Variants in SAMD12 observed in about 807,000 individuals in gnomAD.
SAMD12 encodes sterile alpha motif domain-containing protein 12.
Under a neutral mutation model 15.0 loss-of-function variants are expected in SAMD12, and 9 were observed. The ratio of observed to expected loss-of-function variants is 0.60; its 90% CI spans 0.36 to 1.05. The LOEUF (loss-of-function observed/expected upper bound fraction) is 1.05, where lower values mean the gene tolerates loss of function less well. Among genes scored for constraint, SAMD12 ranks in the 50% least tolerant of loss-of-function variants. The pLI, the probability that SAMD12 is intolerant of heterozygous loss-of-function variation, is 0.01. For synonymous variants in SAMD12, 86 were observed against 90.1 expected, an observed-to-expected ratio of 0.96 and a Z score of 0.25; for missense variants, 230 against 234.2, an observed-to-expected ratio of 0.98 and a Z score of 0.12.
intron 4 of SAMD12, among the ~76,000 whole-genome samples, chr8:118,349,056 T>A (rs1817817463): frequency 6.6e-6 from 1 of 152,186 alleles, no homozygotes; most frequent in South Asian, 2.1e-4. Context: ...ACCTGGCAAT[T>A]TTATCCATAT....
At chr8:118,459,773 G>A (rs979364222) in intron 2 of SAMD12, among the ~76,000 whole-genome samples, 2 of 152,186 alleles carry the variant, frequency 1.3e-5, no homozygotes, top group African/African-American at 4.8e-5. Context: ...ATAACTAGAA[G>A]ATTCATTCAC....
At chr8:118,368,442 G>A (rs1818913049) in intron 4 of SAMD12, among the ~76,000 whole-genome samples, 1 of 152,140 alleles carries the variant, frequency 6.6e-6, no homozygotes, top group Non-Finnish European at 1.5e-5. Context: ...TGTCACTCAG[G>A]AGAACATTTA....
chr8:118,262,532 T>C (rs909449623), intron 4 of SAMD12, among the ~76,000 whole-genome samples: 1 of 152,082 alleles, frequency 6.6e-6, no homozygotes, highest in Non-Finnish European at 1.5e-5. Flanking sequence ...ATAAAGCAGA[T>C]GCCCATCTGA....
At chr8:118,163,646 C>T in the SAMD12 span, among the ~76,000 whole-genome samples, 6 of 151,448 alleles carry the variant, frequency 4.0e-5, no homozygotes, top group Non-Finnish European at 7.4e-5. Context: ...GAGGCCGAGG[C>T]GGGCGGATCA....
At chr8:118,285,160 T>C (rs1010326952) in intron 4 of SAMD12, among the ~76,000 whole-genome samples, 6 of 151,930 alleles carry the variant, frequency 3.9e-5, no homozygotes, top group African/African-American at 7.3e-5. Context: ...CTTTTTTTAA[T>C]AGCCAGAAGA....
At chr8:118,568,589 C>T (rs760249367) in intron 2 of SAMD12, among the ~76,000 whole-genome samples, 30 of 152,092 alleles carry the variant, frequency 2.0e-4, no homozygotes, top group African/African-American at 3.1e-4. Flanking sequence ...GTGAGAAAAA[C>T]AAAATTGAGC....
intron 1 of SAMD12, among the ~76,000 whole-genome samples, chr8:118,612,207 C>G (rs1167968899): frequency 1.3e-5 from 2 of 152,190 alleles, no homozygotes; most frequent in Non-Finnish European, 1.5e-5. Context: ...ATCTCTTATA[C>G]TTAGTCTTCC....
intron 4 of SAMD12, among the ~76,000 whole-genome samples, chr8:118,218,186 G>A (rs1458706059): frequency 6.6e-6 from 1 of 152,072 alleles, no homozygotes; most frequent in East Asian, 1.9e-4. Context: ...TCCCGTTGTG[G>A]ATCAGTAATA....
intron 2 of SAMD12, among the ~76,000 whole-genome samples, chr8:118,462,898 C>T (rs1194278534): frequency 1.3e-5 from 2 of 151,814 alleles, no homozygotes; most frequent in Non-Finnish European, 2.9e-5. Context: ...GTCAGGAGAT[C>T]GAGACCATCC....
intron 1 of SAMD12, among the ~76,000 whole-genome samples, chr8:118,616,233 T>C (rs1828236432): frequency 6.6e-6 from 1 of 152,214 alleles, no homozygotes. Flanking sequence ...TGACATCTGC[T>C]CTGTAGAGGA....
the SAMD12 span, among the ~76,000 whole-genome samples, chr8:118,170,237 C>G: frequency 6.6e-6 from 1 of 152,208 alleles, no homozygotes; most frequent in East Asian, 1.9e-4. Flanking sequence ...TAAATGCCAT[C>G]CATACTTAGT....
chr8:118,427,165 A>G (rs1252809413), intron 3 of SAMD12, among the ~76,000 whole-genome samples: 2 of 152,240 alleles, frequency 1.3e-5, no homozygotes, highest in Non-Finnish European at 2.9e-5. Context: ...CTCTATAAGT[A>G]TCTATATCAT....
At chr8:118,296,198 A>C (rs1814701860) in intron 4 of SAMD12, among the ~76,000 whole-genome samples, 1 of 152,214 alleles carries the variant, frequency 6.6e-6, no homozygotes, top group Non-Finnish European at 1.5e-5. Context: ...GGCCAGTGGG[A>C]CCATCACAAA....
Position 118,423,150 on chromosome 8 carries a change from G to A in SAMD12, c.322+16682C>T, listed in dbSNP as rs148592899. Among the ~76,000 whole-genome samples the A allele has an allele frequency of 1.6e-3, 241 of 152,244 alleles. 2 individuals are homozygous for A. The highest frequency in any genetic ancestry group is 5.4e-3 in the African/African-American group (226 of 41,552). ...AGTGAGCCGTGATGTCACATGTCAC[G>A]TCTCATTAAAGGGTATTGAATGATA... On this transcript the variant is annotated intron_variant, in intron 3 of 3. Transcript: ENST00000314727.
chr8:118,212,546 A>G (rs17484985), intron 4 of SAMD12, among the ~76,000 whole-genome samples: 4,739 of 152,298 alleles, frequency 0.031, 220 homozygotes, highest in African/African-American at 0.097. Flanking sequence ...ATCTACTTGT[A>G]ATAACTTTCT....
the SAMD12 span, among the ~76,000 whole-genome samples, chr8:118,173,873 G>A: frequency 6.6e-6 from 1 of 152,030 alleles, no homozygotes. Flanking sequence ...CGGGTGATCT[G>A]CCTGCCTTGG....
intron 4 of SAMD12, among the ~76,000 whole-genome samples, chr8:118,327,004 A>T (rs527453176): frequency 2.0e-5 from 3 of 152,234 alleles, no homozygotes; most frequent in Non-Finnish European, 4.4e-5. Flanking sequence ...GTAACCATGC[A>T]GTGGCCTGCT....
At chr8:118,245,340 A>G (rs1294551386) in intron 4 of SAMD12, among the ~76,000 whole-genome samples, 2 of 152,166 alleles carry the variant, frequency 1.3e-5, no homozygotes, top group African/African-American at 4.8e-5. Context: ...GATCACCTGA[A>G]GATGGGAATT....
intron 2 of SAMD12, among the ~76,000 whole-genome samples, chr8:118,563,894 A>G (rs1826776886): frequency 6.6e-6 from 1 of 152,212 alleles, no homozygotes; most frequent in African/African-American, 2.4e-5. Context: ...TTGGGGTTCC[A>G]CAGGGTGCCA....
Sources: allele counts gnomAD v4.1 joint callset (sites outside exome capture counted in the v4.1 genomes callset), GRCh38; gene constraint gnomAD v4.1.1; transcripts MANE v1.5; gene names NCBI Gene and HGNC (gene_info 2026-07-23, HGNC 2026-07-21).